Variants in DNMT3A observed in about 807,000 individuals in gnomAD.
DNMT3A encodes DNA (cytosine-5)-methyltransferase 3A.
In DNMT3A, 267 loss-of-function variants were observed where a neutral mutation model predicts 117.6. The observed-to-expected ratio is 2.27, with a 90% CI of 2.05 to 2.51. DNMT3A has a LOEUF of 2.51. Among genes scored for constraint, DNMT3A ranks in the 30% most tolerant of loss-of-function variants. DNMT3A has a pLI of 0.00. For synonymous variants in DNMT3A, 432 were observed against 474.8 expected, an observed-to-expected ratio of 0.91 and a Z score of 1.17; for missense variants, 1,029 against 1,260.2, an observed-to-expected ratio of 0.82 and a Z score of 2.78.
chr2:25,321,905 A>AT (rs2034612719), intron 1 of DNMT3A, among the ~76,000 whole-genome samples: 1 of 152,170 alleles, frequency 6.6e-6, no homozygotes, highest in Non-Finnish European at 1.5e-5. Flanking sequence ...ACAACAAACA[A>AT]TTTTTTGAAA....
At chr2:25,270,206 T>C (rs1269987647) in intron 6 of DNMT3A, among the ~76,000 whole-genome samples, 1 of 152,324 alleles carries the variant, frequency 6.6e-6, no homozygotes. Flanking sequence ...GCCTGCTGTA[T>C]TCCTCCCTCT....
chr2:25,234,293 A>C lies in DNMT3A; in HGVS notation c.2725T>G (p.Phe909Val). The change falls in exon 23 of 23, where the codon TTT becomes GTT. Residue 909 changes from phenylalanine (F) to valine (V), a missense_variant. Physicochemically the swap from Phe to Val is conservative, Grantham distance 50 (BLOSUM62 -1). Transcript: ENST00000321117. The surrounding 1 kb of genome is among the most constrained non-coding windows in gnomAD (Gnocchi z 4.5). The stretch of plus-strand genomic sequence containing the variant: ...CCCCATGTCCCTTACACACACGCAA[A>C]ATACTCCTTCAGCGGAGCGAAGAGG... ...RHLFAPLKEY[F>V]ACV The C allele has an allele frequency of 6.2e-7, 1 of 1,613,584 alleles. No homozygotes were observed. The highest frequency in any genetic ancestry group is 8.5e-7 in the Non-Finnish European group (1 of 1,179,714).
rs1675968049 is a variant in DNMT3A, at chr2:25,254,748, G to A, written c.640-6496C>T. ...CTCTCAAAAGAAGTTTCTGGTTCTG[G>A]CTTGGTGGCCTTTTGCAGACACTGT... On this transcript the variant is annotated intron_variant, in intron 6 of 22. Coordinates refer to ENST00000321117, the MANE Select transcript of DNMT3A (RefSeq NM_022552.5). The surrounding 1 kb of genome is among the most constrained non-coding windows in gnomAD (Gnocchi z 4.7). Among the ~76,000 whole-genome samples, 1 of 152,154 alleles carries A rather than the reference G, an allele frequency of 6.6e-6. No homozygotes were observed. Among genetic ancestry groups the A allele is most frequent in the Admixed American group, 6.5e-5 (1 of 15,282 alleles).
At chr2:25,316,248 A>C (rs560113876) in intron 1 of DNMT3A, among the ~76,000 whole-genome samples, 1 of 152,334 alleles carries the variant, frequency 6.6e-6, no homozygotes, top group East Asian at 1.9e-4. Context: ...CGAGGTTCAG[A>C]GAAGCTCTGG....
rs562654973 is a variant in DNMT3A at position 25,307,499 on chromosome 2, C to G, written c.72+6414G>C. Among the ~76,000 whole-genome samples the G allele has an allele frequency of 2.5e-5, 3 of 119,622 alleles. No homozygotes were observed. The South Asian group carries it at 8.5e-4, about 34-fold the overall frequency. 78.5% of individuals were successfully genotyped at this position (119,622 alleles called of 152,430 possible). A position where few individuals can be genotyped will look rare whatever the true frequency, so the allele number is the denominator to read the frequency against. On this transcript the variant is annotated intron_variant, in intron 2 of 22. Coordinates refer to ENST00000321117, the MANE Select transcript of DNMT3A (RefSeq NM_022552.5). The stretch of plus-strand genomic sequence containing the variant: ...TTTTTTTTTGAGATGGAGTTTTGCT[C>G]TTGCCACCCAGGCTGGAGTGCAATG...
In DNMT3A at chr2:25,300,276, G is replaced by A. The variant is rs770456551; in HGVS notation, c.73-33C>T. The A allele has an allele frequency of 2.5e-6, 4 of 1,598,536 alleles. No individual in the cohort carries two copies. The East Asian group carries it at 8.9e-5, about 36-fold the overall frequency. On this transcript the variant is annotated intron_variant, in intron 2 of 22. Transcript: ENST00000321117. The stretch of plus-strand genomic sequence containing the variant: ...CACAGACACAGCCTGTGAGGCCAGA[G>A]GTGGATCCCAGCAGTGTAGCATTCC...
At chr2:25,302,157 C>T (rs1224811222) in intron 2 of DNMT3A, among the ~76,000 whole-genome samples, 1 of 152,022 alleles carries the variant, frequency 6.6e-6, no homozygotes, top group Non-Finnish European at 1.5e-5. Context: ...GTGGTGGCCA[C>T]AGTCAAGCTG....
chr2:25,337,394 C>A lies in DNMT3A; in HGVS notation c.-178+4432G>T, dbSNP rs780487791. Among the ~76,000 whole-genome samples the A allele has an allele frequency of 6.6e-6, 1 of 152,196 alleles. No individual in the cohort carries two copies. The highest frequency in any genetic ancestry group is 2.1e-4 in the South Asian group (1 of 4,830). Reference sequence around the variant, plus strand: ...CAGACACAGCTAACAGGAGGGCTCCCGCTCCTCTAAGGCTGTAACGCACAT... The same window carrying A: ...CAGACACAGCTAACAGGAGGGCTCCAGCTCCTCTAAGGCTGTAACGCACAT... On this transcript the variant is annotated intron_variant, in intron 1 of 22. Transcript: ENST00000321117. This position sits in a 1 kb window ranked among gnomAD's most constrained non-coding sequence, Gnocchi z 5.0.
chr2:25,239,287 C>A, intron 19 of DNMT3A, 72 bp from the exon 20 acceptor site: 1 of 1,415,366 alleles, frequency 7.1e-7, no homozygotes, highest in South Asian at 1.2e-5. Flanking sequence ...CTGCTGGGGT[C>A]GAGCCTTAAA....
At position 25,275,576 on chromosome 2, in the gene DNMT3A, G is replaced by A. The variant is rs147805913; in HGVS notation, c.449-33C>T. 5.3e-5 allele frequency: 82 copies of A among 1,550,862 alleles called. No homozygotes were observed. The East Asian group carries it at 1.8e-3, about 34-fold the overall frequency. Reference sequence around the variant, plus strand: ...GAGGGAAGAACAAAGGGACCAGTTCGTTGGTCGGCAGAATTACTGGAGTGG... The same window carrying A: ...GAGGGAAGAACAAAGGGACCAGTTCATTGGTCGGCAGAATTACTGGAGTGG... On this transcript the variant is annotated intron_variant, in intron 4 of 22. Coordinates refer to ENST00000321117, the MANE Select transcript of DNMT3A (RefSeq NM_022552.5).
rs976743336 is a variant in DNMT3A at position 25,232,124 on chromosome 2, CTA to C, written c.*2153_*2154del. 5 of 152,128 alleles carry C rather than the reference CTA, an allele frequency of 3.3e-5. No homozygotes were observed. The highest frequency in any genetic ancestry group is 1.2e-4 in the African/African-American group (5 of 41,414). 9.4% of individuals were successfully genotyped at this position (152,128 alleles called of 1,614,324 possible). A position where few individuals can be genotyped will look rare whatever the true frequency, so the allele number is the denominator to read the frequency against. ...TAATATTTCTTAAACATGACCCTATCTATGTATTTATAGAGCGCCTATCACTG... is the reference window on the plus strand; with the variant it reads ...TAATATTTCTTAAACATGACCCTATCTGTATTTATAGAGCGCCTATCACTG... On this transcript the variant is annotated 3_prime_UTR_variant, in exon 23 of 23. Coordinates refer to ENST00000321117, the MANE Select transcript of DNMT3A (RefSeq NM_022552.5). This position sits in a 1 kb window ranked among gnomAD's most constrained non-coding sequence, Gnocchi z 4.1.
Position 25,252,422 on chromosome 2 carries a change from C to G in DNMT3A, c.640-4170G>C, listed in dbSNP as rs1675691142. The G allele has an allele frequency of 2.2e-6, 1 of 457,370 alleles. No individual in the cohort carries two copies. The allele number at this position is 457,370 out of a possible 1,614,324, so 28.3% of individuals were successfully genotyped here. A position where few individuals can be genotyped will look rare whatever the true frequency, so the allele number is the denominator to read the frequency against. ...GCTGGAGGGCCTGGTTGGCTGCGAG[C>G]GGCCCGGGGAGGGGGCCGGCGCTCC... On this transcript the variant is annotated intron_variant, in intron 6 of 22. Coordinates refer to ENST00000321117, the MANE Select transcript of DNMT3A (RefSeq NM_022552.5). This position sits in a 1 kb window ranked among gnomAD's most constrained non-coding sequence, Gnocchi z 5.5.
intron 3 of DNMT3A, among the ~76,000 whole-genome samples, chr2:25,291,563 A>G (rs1381204834): frequency 5.9e-5 from 9 of 152,256 alleles, no homozygotes; most frequent in Non-Finnish European, 1.5e-5. Flanking sequence ...CTAAAAGCGC[A>G]GCCAGTGGGG....
chr2:25,313,811 G>GC, intron 2 of DNMT3A, 102 bp downstream of exon 2: 1 of 1,516,798 alleles, frequency 6.6e-7, no homozygotes, highest in Non-Finnish European at 8.9e-7. Flanking sequence ...AGCACTGAGT[G>GC]ATGCGGTCAT....
intron 1 of DNMT3A, among the ~76,000 whole-genome samples, chr2:25,330,667 C>T (rs1432476191): frequency 6.6e-6 from 1 of 152,240 alleles, no homozygotes; most frequent in African/African-American, 2.4e-5. Flanking sequence ...GGGCTCTGTG[C>T]CCCTATCCCC....
chr2:25,280,989 T>C (rs1431537471), intron 4 of DNMT3A, among the ~76,000 whole-genome samples: 1 of 152,104 alleles, frequency 6.6e-6, no homozygotes, highest in African/African-American at 2.4e-5. Flanking sequence ...AGTCAGCCCA[T>C]GGGAAGCACC....
At position 25,287,233 on chromosome 2, in the gene DNMT3A, A is replaced by C. The variant is rs553474793; in HGVS notation, c.178-4522T>G. Among the ~76,000 whole-genome samples, 111 of 151,976 alleles carry C rather than the reference A, an allele frequency of 7.3e-4. 2 individuals are homozygous for C. The highest frequency in any genetic ancestry group is 2.6e-3 in the African/African-American group (106 of 41,438). ...GGTTGGGGGTGCCGACCATTCTAGA[A>C]GGCACCACCAGCAGGTGCAGCTGCA... On this transcript the variant is annotated intron_variant, in intron 3 of 22. Coordinates refer to ENST00000321117, the MANE Select transcript of DNMT3A (RefSeq NM_022552.5).
In DNMT3A at chr2:25,281,699, C is replaced by T. The variant is rs905531736; in HGVS notation, c.448+742G>A. On this transcript the variant is annotated intron_variant, in intron 4 of 22. Coordinates refer to ENST00000321117, the MANE Select transcript of DNMT3A (RefSeq NM_022552.5). The surrounding 1 kb of genome is among the most constrained non-coding windows in gnomAD (Gnocchi z 4.8). ...AAGCCCTGTACAAATGCTAGTTGTC[C>T]TCATTACTAACATGTTTACAGCTCG... The T allele has an allele frequency of 1.5e-5, 16 of 1,065,644 alleles. No individual in the cohort carries two copies. The African/African-American group carries it at 2.6e-4, about 17-fold the overall frequency. The allele number at this position is 1,065,644 out of a possible 1,614,324, so 66.0% of individuals were successfully genotyped here.
chr2:25,241,666 AGCG>A lies in DNMT3A; in HGVS notation c.1975_1977del (p.Arg659del). Reference sequence around the variant, plus strand: ...TCCTCACACACCTCCGAGGCAATGTAGCGGTCCACCTGAATGCCCAAGTCCTTC... The same window carrying A: ...TCCTCACACACCTCCGAGGCAATGTAGTCCACCTGAATGCCCAAGTCCTTC... On this transcript the variant is annotated inframe_deletion, in exon 17 of 23. Coordinates refer to ENST00000321117, the MANE Select transcript of DNMT3A (RefSeq NM_022552.5). 6.2e-7 allele frequency: 1 copy of A among 1,614,012 alleles called. No homozygotes were observed. The highest frequency in any genetic ancestry group is 8.5e-7 in the Non-Finnish European group (1 of 1,179,950).
Sources: gnomAD v4.1 joint callset for allele counts (sites outside exome capture counted in the v4.1 genomes callset) on GRCh38, gnomAD v4.1.1 for gene constraint, Gnocchi (gnomAD v3.1) non-coding constraint, MANE v1.5 for transcripts, NCBI Gene and HGNC (gene_info 2026-07-23, HGNC 2026-07-21) for gene names.